ROBO2: variants seen among roughly 807,000 people sequenced by gnomAD.
ROBO2 encodes the protein roundabout homolog 2.
A neutral mutation model predicts 160.8 loss-of-function variants in ROBO2; 53 were observed. The observed-to-expected ratio is 0.33, with a 90% CI of 0.26 to 0.41. ROBO2 has a LOEUF of 0.41. Among genes scored for constraint, ROBO2 ranks in the 10% least tolerant of loss-of-function variants. The pLI, the probability that ROBO2 is intolerant of heterozygous loss-of-function variation, is 1.00. For missense variants in ROBO2, 1,577 were observed against 1,722.4 expected, an observed-to-expected ratio of 0.92 and a Z score of 1.49; for synonymous variants, 664 against 611.7, an observed-to-expected ratio of 1.09 and a Z score of -1.26.
intron 14 of ROBO2, among the ~76,000 whole-genome samples, chr3:77,576,860 GT>G (rs1287291377): frequency 6.6e-6 from 1 of 152,096 alleles, no homozygotes; most frequent in Non-Finnish European, 1.5e-5. Context: ...AGAAAAAGAA[GT>G]TTTTTCTGTG....
At chr3:76,586,456 C>A (rs1419247406) in intron 2 of ROBO2, among the ~76,000 whole-genome samples, 2 of 152,166 alleles carry the variant, frequency 1.3e-5, no homozygotes, top group Non-Finnish European at 2.9e-5. Flanking sequence ...TCTCTTCCAT[C>A]TAGACCAGTG....
intron 2 of ROBO2, among the ~76,000 whole-genome samples, chr3:76,622,966 A>G (rs540588385): frequency 1.1e-3 from 173 of 152,294 alleles, no homozygotes; most frequent in Non-Finnish European, 1.9e-3. Flanking sequence ...TATTTCAGCC[A>G]TGCTCCACAG....
intron 2 of ROBO2, among the ~76,000 whole-genome samples, chr3:77,289,429 AC>A (rs1447380040): frequency 6.6e-6 from 1 of 151,930 alleles, no homozygotes; most frequent in Non-Finnish European, 1.5e-5. Flanking sequence ...AGGCTAGATC[AC>A]CCCAGAAATT....
Position 77,557,931 on chromosome 3 carries a change from C to A in ROBO2, c.1232-13C>A, listed in dbSNP as rs1284586859. 6.2e-7 allele frequency: 1 copy of A among 1,609,510 alleles called. No homozygotes were observed. Among genetic ancestry groups the A allele is most frequent in the East Asian group, 2.2e-5 (1 of 44,816 alleles). On this transcript the variant is annotated splice_polypyrimidine_tract_variant and intron_variant, in intron 8 of 25. Transcript: ENST00000461745. Reference sequence around the variant, plus strand: ...TTGATGTTAAAATACCTGAAAAGAGCTTTATTCTTCAGTTTTGACAGATAG... The same window carrying A: ...TTGATGTTAAAATACCTGAAAAGAGATTTATTCTTCAGTTTTGACAGATAG...
intron 2 of ROBO2, among the ~76,000 whole-genome samples, chr3:77,098,674 C>T (rs539811048): frequency 1.3e-5 from 2 of 151,906 alleles, no homozygotes; most frequent in African/African-American, 4.8e-5. Flanking sequence ...GGTGAAACCC[C>T]GTCTCTACAA....
chr3:76,391,731 G>A (rs957434211), intron 2 of ROBO2, among the ~76,000 whole-genome samples: 3 of 152,034 alleles, frequency 2.0e-5, no homozygotes, highest in African/African-American at 4.8e-5. Flanking sequence ...GGCTTGTCTC[G>A]AACTCCTGAC....
intron 23 of ROBO2, among the ~76,000 whole-genome samples, chr3:77,627,565 G>A (rs1307526748): frequency 6.6e-6 from 1 of 152,024 alleles, no homozygotes; most frequent in African/African-American, 2.4e-5. Flanking sequence ...GATTACAGAT[G>A]ATTACACATC....
At chr3:77,617,536 C>T (rs903228674) in exon 22 of ROBO2, 1 of 1,614,052 alleles carries the variant, frequency 6.2e-7, no homozygotes, top group Non-Finnish European at 8.5e-7. Flanking sequence ...AGCTGGTGCC[C>T]ACCATTGCCA....
chr3:76,990,345 A>G (rs569231282), intron 2 of ROBO2, among the ~76,000 whole-genome samples: 1 of 152,336 alleles, frequency 6.6e-6, no homozygotes, highest in African/African-American at 2.4e-5. Flanking sequence ...ATTAATAACA[A>G]AAACAAAACA....
chr3:75,936,118 C>T (rs1327141254), intron 1 of ROBO2, among the ~76,000 whole-genome samples: 2 of 152,162 alleles, frequency 1.3e-5, no homozygotes, highest in African/African-American at 2.4e-5. Context: ...TACATATGAA[C>T]TTAGAAATGT....
At position 76,122,377 on chromosome 3, in the gene ROBO2, T is replaced by A. The variant is rs74851041; in HGVS notation, c.109+184775T>A. On this transcript the variant is annotated intron_variant, in intron 2 of 26. Coordinates refer to the ROBO2 transcript ENST00000487694. ...ATATTTTGGGTTCTCTGTATTTTTA[T>A]TTTTCTTGATATTTTTCAGTCTTGA... 4.8e-3 allele frequency among the ~76,000 whole-genome samples: 725 copies of A among 152,296 alleles called. 11 individuals are homozygous for A. Among genetic ancestry groups the A allele is most frequent in the African/African-American group, 0.016 (674 of 41,576 alleles).
intron 2 of ROBO2, among the ~76,000 whole-genome samples, chr3:76,787,739 T>A: frequency 6.6e-6 from 1 of 151,596 alleles, no homozygotes; most frequent in East Asian, 1.9e-4. Context: ...GTAAAATAAA[T>A]ATATTTTAAA....
At chr3:76,730,191 C>T (rs987916470) in intron 2 of ROBO2, among the ~76,000 whole-genome samples, 1 of 150,308 alleles carries the variant, frequency 6.7e-6, no homozygotes, top group Non-Finnish European at 1.5e-5. Flanking sequence ...CCTCCTACTC[C>T]CTACTCGCTT....
chr3:77,108,813 T>C (rs942004400), intron 2 of ROBO2, among the ~76,000 whole-genome samples: 1 of 152,118 alleles, frequency 6.6e-6, no homozygotes, highest in Non-Finnish European at 1.5e-5. Flanking sequence ...GGGGAGTAGA[T>C]GTAGGGTAGT....
At chr3:76,316,126 G>T (rs1027583912) in intron 2 of ROBO2, among the ~76,000 whole-genome samples, 1 of 152,086 alleles carries the variant, frequency 6.6e-6, no homozygotes. Flanking sequence ...TATGTTCAGC[G>T]GTGCACGTAT....
At chr3:76,637,832 A>C (rs1316847901) in intron 2 of ROBO2, among the ~76,000 whole-genome samples, 3 of 152,196 alleles carry the variant, frequency 2.0e-5, no homozygotes, top group Non-Finnish European at 4.4e-5. Context: ...AGTGCTGCCA[A>C]AATTCATATA....
At chr3:77,008,076 A>G (rs943881596) in intron 2 of ROBO2, among the ~76,000 whole-genome samples, 3 of 152,074 alleles carry the variant, frequency 2.0e-5, no homozygotes, top group Non-Finnish European at 2.9e-5. Flanking sequence ...ACTATCAGAA[A>G]GCTCAAGTCC....
chr3:76,941,991 T>C (rs974268639), intron 2 of ROBO2, among the ~76,000 whole-genome samples: 1 of 152,182 alleles, frequency 6.6e-6, no homozygotes, highest in Non-Finnish European at 1.5e-5. Context: ...CTTAAAATTA[T>C]ATAAAAGAAA....
intron 2 of ROBO2, among the ~76,000 whole-genome samples, chr3:76,646,302 G>C (rs2090968103): frequency 2.0e-5 from 3 of 152,118 alleles, no homozygotes; most frequent in Admixed American, 2.0e-4. Flanking sequence ...AGCCAACGCC[G>C]ATGCAGAAAG....
Sources: gnomAD v4.1 joint callset for allele counts (sites outside exome capture counted in the v4.1 genomes callset) on GRCh38, gnomAD v4.1.1 for gene constraint, MANE v1.5 for transcripts, NCBI Gene and HGNC (gene_info 2026-07-23, HGNC 2026-07-21) for gene names.